Variants in MTAP observed in about 807,000 individuals in gnomAD.
The protein encoded by MTAP is S-methyl-5'-thioadenosine phosphorylase.
A neutral mutation model predicts 33.6 loss-of-function variants in MTAP; 33 were observed. The observed-to-expected ratio is 0.98, with a 90% CI of 0.74 to 1.31. The LOEUF (loss-of-function observed/expected upper bound fraction) is 1.31, where lower values mean the gene tolerates loss of function less well. Ranked by LOEUF, MTAP falls within the 40% of genes most tolerant of loss-of-function variation. The pLI, the probability that MTAP is intolerant of heterozygous loss-of-function variation, is 0.00. For missense variants in MTAP, 367 were observed against 360.0 expected, an observed-to-expected ratio of 1.02 and a Z score of -0.16; for synonymous variants, 148 against 125.7, an observed-to-expected ratio of 1.18 and a Z score of -1.19.
chr9:21,835,091 AC>A lies in MTAP; in HGVS notation c.348-2816del, dbSNP rs1187924242. 2.0e-5 allele frequency among the ~76,000 whole-genome samples: 3 copies of A among 152,150 alleles called. No individual in the cohort carries two copies. The East Asian group carries it at 5.8e-4, about 29-fold the overall frequency. On this transcript the variant is annotated intron_variant, in intron 4 of 7. Coordinates refer to ENST00000644715, the MANE Select transcript of MTAP (RefSeq NM_002451.4). ...CAGATTTGGTGTCTGGTGAGAACCT[AC>A]TTTCTCACAGATAGCACCTTCTTAT... is the stretch of plus-strand genomic sequence containing the variant.
intron 4 of MTAP, among the ~76,000 whole-genome samples, chr9:21,822,707 T>C (rs1457449710): frequency 6.6e-6 from 1 of 152,198 alleles, no homozygotes; most frequent in East Asian, 1.9e-4. Context: ...GTCTCGTTGA[T>C]CTGTCTAATG....
chr9:21,929,621 G>T, intron 1 of MTAP: 1 of 320,882 alleles, frequency 3.1e-6, no homozygotes. Context: ...ACACCAGGGA[G>T]AGCTTATCCA....
chr9:21,815,386 TA>T, intron 1 of MTAP, 46 bp from the exon 2 acceptor site: 1 of 1,306,440 alleles, frequency 7.7e-7, no homozygotes. Context: ...TTATTTCTAA[TA>T]AAAATTACCA....
intron 1 of MTAP, among the ~76,000 whole-genome samples, chr9:21,873,812 A>C (rs73440421): frequency 5.3e-4 from 81 of 152,250 alleles, no homozygotes; most frequent in African/African-American, 1.8e-3. Context: ...GTTATTTTTG[A>C]AAAAGTATAA....
chr9:21,903,110 G>T (rs1818418530), intron 1 of MTAP, among the ~76,000 whole-genome samples: 1 of 152,140 alleles, frequency 6.6e-6, no homozygotes, highest in Non-Finnish European at 1.5e-5. Flanking sequence ...AGGATTGGAG[G>T]ATTTCCGGCT....
chr9:21,903,552 A>G (rs1322559683), intron 1 of MTAP, among the ~76,000 whole-genome samples: 2 of 152,112 alleles, frequency 1.3e-5, no homozygotes, highest in African/African-American at 4.8e-5. Flanking sequence ...TGCTCTGTTG[A>G]ACCCAGGCAC....
At chr9:21,857,237 A>G (rs1012982269) in intron 6 of MTAP, among the ~76,000 whole-genome samples, 1 of 152,214 alleles carries the variant, frequency 6.6e-6, no homozygotes, top group African/African-American at 2.4e-5. Flanking sequence ...CAGGAAAAAT[A>G]TATAAGGAAA....
chr9:21,818,556 A>T (rs1224758768), intron 4 of MTAP, among the ~76,000 whole-genome samples: 2 of 151,886 alleles, frequency 1.3e-5, no homozygotes, highest in Non-Finnish European at 2.9e-5. Context: ...TTGAATCAGG[A>T]GATCACCCGC....
chr9:21,903,837 G>A (rs1481757144), intron 1 of MTAP, among the ~76,000 whole-genome samples: 1 of 152,172 alleles, frequency 6.6e-6, no homozygotes, highest in African/African-American at 2.4e-5. Flanking sequence ...AAGCCCTAGT[G>A]GGCATGAGTT....
At chr9:21,891,828 A>G (rs1258781989) in intron 1 of MTAP, among the ~76,000 whole-genome samples, 1 of 152,200 alleles carries the variant, frequency 6.6e-6, no homozygotes, top group African/African-American at 2.4e-5. Flanking sequence ...TAGTTATCAG[A>G]TTCTCCAGCG....
chr9:21,872,031 C>G (rs1018623051), downstream of MTAP, among the ~76,000 whole-genome samples: 5 of 152,130 alleles, frequency 3.3e-5, no homozygotes, highest in Admixed American at 2.0e-4. Flanking sequence ...GGTATCTGCT[C>G]TCTGCCAGGC....
At chr9:21,896,358 G>T (rs1238901444) in intron 1 of MTAP, among the ~76,000 whole-genome samples, 1 of 152,156 alleles carries the variant, frequency 6.6e-6, no homozygotes, top group Non-Finnish European at 1.5e-5. Flanking sequence ...ACATTCAAAA[G>T]CTAGCAGAAG....
intron 5 of MTAP, among the ~76,000 whole-genome samples, chr9:21,848,323 G>T (rs1298690143): frequency 6.6e-6 from 1 of 152,140 alleles, no homozygotes; most frequent in Non-Finnish European, 1.5e-5. Context: ...TGAGTTTTCT[G>T]ATTTATATAA....
chr9:21,829,083 C>T (rs1450295145), intron 4 of MTAP, among the ~76,000 whole-genome samples: 2 of 152,214 alleles, frequency 1.3e-5, no homozygotes, highest in Non-Finnish European at 2.9e-5. Flanking sequence ...ACTGATAGCA[C>T]ATTTCTTAGT....
chr9:21,806,808 G>A (rs1239935619), intron 1 of MTAP, among the ~76,000 whole-genome samples: 1 of 152,152 alleles, frequency 6.6e-6, no homozygotes, highest in Non-Finnish European at 1.5e-5. Flanking sequence ...GCATTCTGGA[G>A]GGCTCCTGCA....
At chr9:21,930,938 C>G in intron 1 of MTAP, 1 of 681,968 alleles carries the variant, frequency 1.5e-6, no homozygotes, top group East Asian at 2.6e-5. Flanking sequence ...TTAGCCTCTA[C>G]TTTTGCTCCT....
chr9:21,833,643 T>G (rs1016243710), intron 4 of MTAP, among the ~76,000 whole-genome samples: 3 of 152,214 alleles, frequency 2.0e-5, no homozygotes, highest in Non-Finnish European at 4.4e-5. Context: ...GCAGCCGTTA[T>G]TCTGCTCTGC....
intron 4 of MTAP, among the ~76,000 whole-genome samples, chr9:21,832,070 A>G (rs1414161205): frequency 6.6e-6 from 1 of 152,144 alleles, no homozygotes; most frequent in African/African-American, 2.4e-5. Flanking sequence ...GATTCCTAAA[A>G]GTTCTGGTAT....
At chr9:21,845,329 T>A (rs906169724) in intron 5 of MTAP, among the ~76,000 whole-genome samples, 2 of 152,160 alleles carry the variant, frequency 1.3e-5, no homozygotes, top group African/African-American at 4.8e-5. Context: ...TCAGCAAAGT[T>A]TCAAGATGCA....
Sources: gnomAD v4.1 joint callset for allele counts (sites outside exome capture counted in the v4.1 genomes callset) on GRCh38, gnomAD v4.1.1 for gene constraint, MANE v1.5 for transcripts, NCBI Gene and HGNC (gene_info 2026-07-23, HGNC 2026-07-21) for gene names.